Variants in LGSN observed in about 807,000 individuals in gnomAD.
The protein encoded by LGSN is lengsin, lens protein with glutamine synthetase domain, also known as lengsin.
Under a neutral mutation model 19.5 loss-of-function variants are expected in LGSN, and 21 were observed. The ratio of observed to expected loss-of-function variants is 1.07; its 90% CI spans 0.76 to 1.55. The LOEUF (loss-of-function observed/expected upper bound fraction) is 1.55, where lower values mean the gene tolerates loss of function less well. LGSN is among the 40% of genes most tolerant of loss of function. The pLI is 0.00. For synonymous variants in LGSN, 257 were observed against 215.6 expected, an observed-to-expected ratio of 1.19 and a Z score of -1.68; for missense variants, 673 against 608.5, an observed-to-expected ratio of 1.11 and a Z score of -1.12.
chr6:63,440,282 G>T, the LGSN span, among the ~76,000 whole-genome samples: 1 of 152,174 alleles, frequency 6.6e-6, no homozygotes, highest in African/African-American at 2.4e-5. Context: ...GGAGGACGGG[G>T]TGGAGCCTCG....
chr6:63,535,310 C>CA, the LGSN span, among the ~76,000 whole-genome samples: 1 of 151,960 alleles, frequency 6.6e-6, no homozygotes, highest in South Asian at 2.1e-4. Flanking sequence ...ACTAAAAATA[C>CA]AAAAAATAAG....
At chr6:63,549,203 G>A in the LGSN span, 2 of 708,228 alleles carry the variant, frequency 2.8e-6, no homozygotes, top group Non-Finnish European at 5.1e-6. Flanking sequence ...TCTCTGATCT[G>A]TACTTGTGGG....
At chr6:63,391,249 CA>C in the LGSN span, among the ~76,000 whole-genome samples, 4 of 152,150 alleles carry the variant, frequency 2.6e-5, no homozygotes, top group Non-Finnish European at 1.5e-5. Context: ...AAAAACATGA[CA>C]TTTTCAAGTT....
chr6:63,453,747 G>A, the LGSN span, among the ~76,000 whole-genome samples: 5 of 152,018 alleles, frequency 3.3e-5, no homozygotes, highest in East Asian at 9.7e-4. Context: ...TCCGCCTCCC[G>A]GGTTCACACC....
At chr6:63,285,319 A>G (rs1767481223) in intron 3 of LGSN, among the ~76,000 whole-genome samples, 1 of 152,210 alleles carries the variant, frequency 6.6e-6, no homozygotes, top group African/African-American at 2.4e-5. Context: ...GAGCAAAATT[A>G]TTCAAGGCAG....
the LGSN span, among the ~76,000 whole-genome samples, chr6:63,543,342 C>A: frequency 6.6e-6 from 1 of 152,216 alleles, no homozygotes. Context: ...TCAATTATAT[C>A]ATCCTGCAGG....
rs539073486 is a variant in LGSN at position 63,300,753 on chromosome 6, TATTA to T, written c.31-5712_31-5709del. 1.1e-3 allele frequency among the ~76,000 whole-genome samples: 168 copies of T among 152,338 alleles called. 2 individuals are homozygous for T. The highest frequency in any genetic ancestry group is 3.7e-3 in the African/African-American group (154 of 41,574). On this transcript the variant is annotated intron_variant, in intron 1 of 3. Transcript: ENST00000370657. ...TTTCTAAGAAGTTAAAATATTGAAG[TATTA>T]ATTATTAACATAAATTTATGCCTTA... is the stretch of plus-strand genomic sequence containing the variant.
chr6:63,406,414 C>T, the LGSN span, among the ~76,000 whole-genome samples: 1 of 151,914 alleles, frequency 6.6e-6, no homozygotes, highest in African/African-American at 2.4e-5. Context: ...GAACAACCTG[C>T]TCCTGAATGA....
At chr6:63,304,315 T>C (rs1582040699) in intron 1 of LGSN, among the ~76,000 whole-genome samples, 1 of 152,212 alleles carries the variant, frequency 6.6e-6, no homozygotes, top group East Asian at 1.9e-4. Context: ...TGGCTTGGAG[T>C]AAATGAGGTA....
the LGSN span, among the ~76,000 whole-genome samples, chr6:63,460,926 G>GTATAGT: frequency 6.6e-6 from 1 of 152,168 alleles, no homozygotes; most frequent in Non-Finnish European, 1.5e-5. Flanking sequence ...ATCAAAATGT[G>GTATAGT]TATAGTACCA....
At chr6:63,413,231 T>C in the LGSN span, among the ~76,000 whole-genome samples, 1,115 of 152,248 alleles carry the variant, frequency 7.3e-3, 8 homozygotes, top group Non-Finnish European at 0.013. Flanking sequence ...TTATTTGACA[T>C]GTAATTTTAG....
chr6:63,339,188 C>A, the LGSN span, among the ~76,000 whole-genome samples: 5 of 152,142 alleles, frequency 3.3e-5, no homozygotes, highest in East Asian at 9.6e-4. Context: ...CTGTTAAGTC[C>A]ATTTGGTCTA....
chr6:63,525,897 G>C, the LGSN span, among the ~76,000 whole-genome samples: 2 of 152,152 alleles, frequency 1.3e-5, no homozygotes, highest in African/African-American at 4.8e-5. Context: ...TTGAGTTCTA[G>C]TGAGTTGGGA....
the LGSN span, among the ~76,000 whole-genome samples, chr6:63,436,266 C>T: frequency 6.6e-6 from 1 of 152,240 alleles, no homozygotes; most frequent in East Asian, 1.9e-4. Context: ...AGCAGCCCGG[C>T]TAATTTTTGT....
At chr6:63,490,771 A>G in the LGSN span, among the ~76,000 whole-genome samples, 4 of 152,084 alleles carry the variant, frequency 2.6e-5, no homozygotes, top group Admixed American at 2.6e-4. Context: ...GGAGGCTGAG[A>G]AGTCTCATGA....
At chr6:63,295,544 A>T (rs1767952170) in intron 1 of LGSN, among the ~76,000 whole-genome samples, 1 of 152,196 alleles carries the variant, frequency 6.6e-6, no homozygotes, top group Non-Finnish European at 1.5e-5. Flanking sequence ...ATCAATATTT[A>T]CTTCACTTCA....
At chr6:63,561,788 T>C in the LGSN span, among the ~76,000 whole-genome samples, 1 of 152,272 alleles carries the variant, frequency 6.6e-6, no homozygotes, top group South Asian at 2.1e-4. Flanking sequence ...CAAATACACA[T>C]TGAAAGTAAA....
chr6:63,534,677 G>C, the LGSN span, among the ~76,000 whole-genome samples: 1,883 of 151,990 alleles, frequency 0.012, 32 homozygotes, highest in African/African-American at 0.042. Context: ...ACCAGGCACG[G>C]TGGCTCATGC....
At chr6:63,338,890 C>A in the LGSN span, among the ~76,000 whole-genome samples, 2 of 152,048 alleles carry the variant, frequency 1.3e-5, no homozygotes, top group Non-Finnish European at 2.9e-5. Context: ...TTGTTTTGAT[C>A]ATTTTTTATT....
Sources: allele counts gnomAD v4.1 joint callset (sites outside exome capture counted in the v4.1 genomes callset), GRCh38; gene constraint gnomAD v4.1.1; transcripts MANE v1.5; gene names NCBI Gene and HGNC (gene_info 2026-07-23, HGNC 2026-07-21).